NRDE2: variants seen among roughly 807,000 people sequenced by gnomAD.
NRDE2 encodes nuclear exosome regulator NRDE2.
NRDE2 carries 76 observed loss-of-function variants against 124.2 expected under a neutral mutation model. The observed-to-expected ratio is 0.61, with a 90% CI of 0.51 to 0.74. NRDE2 has a LOEUF of 0.74. Ranked by LOEUF, NRDE2 falls within the 30% of genes least tolerant of loss-of-function variation. NRDE2 has a pLI of 0.00. For missense variants in NRDE2, 1,314 were observed against 1,417.3 expected (o/e 0.93, Z 1.17); for synonymous variants, 489 against 528.1 (o/e 0.93, Z 1.01).
chr14:90,302,555 G>T (rs1043455813), intron 6 of NRDE2, among the ~76,000 whole-genome samples, 165 bp downstream of exon 6: 1 of 152,092 alleles, frequency 6.6e-6, no homozygotes, highest in African/African-American at 2.4e-5. Flanking sequence ...GGAGCTGGGG[G>T]CAAATTTGTT....
At chr14:90,326,519 GA>G (rs1472231307) in intron 1 of NRDE2, among the ~76,000 whole-genome samples, 2 of 135,548 alleles carry the variant, frequency 1.5e-5, no homozygotes, top group Non-Finnish European at 3.2e-5. Context: ...AAAAAAAAAA[GA>G]GAGAGGGAAA....
Position 90,304,332 on chromosome 14 carries a change from C to A in NRDE2, c.608G>T (p.Cys203Phe). Residue 203 changes from cysteine (C) to phenylalanine (F), a missense_variant, in exon 5 of 14, where the codon TGC (cysteine) becomes TTC (phenylalanine). Cys to Phe is a radical substitution (Grantham distance 205). Coordinates refer to ENST00000354366, the MANE Select transcript of NRDE2 (RefSeq NM_017970.4). ...SCLGINPKKQ[C>F]ISWEGTSTEK... is the part of the protein sequence containing the mutation. ...TGTGGAAGTCCCTTCCCAAGATATG[C>A]ACTGCTTCTTAGGGTTAATGCCAAG... 1 of 1,614,018 alleles carries A rather than the reference C, an allele frequency of 6.2e-7. No individual in the cohort carries two copies. Among genetic ancestry groups the A allele is most frequent in the Non-Finnish European group, 8.5e-7 (1 of 1,179,972 alleles).
intron 12 of NRDE2, chr14:90,279,444 G>C (rs909794552): frequency 7.2e-6 from 2 of 277,742 alleles, no homozygotes; most frequent in Non-Finnish European, 1.3e-5. Flanking sequence ...GTTAGTAACA[G>C]TGCTTGAAAC....
At chr14:90,331,723 G>T in intron 1 of NRDE2, 118 bp downstream of exon 1, 1 of 1,165,664 alleles carries the variant, frequency 8.6e-7, no homozygotes, top group Non-Finnish European at 1.3e-6. Context: ...TTGCAGCGCC[G>T]CGGAGAACTC....
intron 1 of NRDE2, among the ~76,000 whole-genome samples, 162 bp downstream of exon 1, chr14:90,331,679 G>C (rs1450424276): frequency 6.6e-6 from 1 of 152,180 alleles, no homozygotes; most frequent in Non-Finnish European, 1.5e-5. Context: ...CTGGGCCCCA[G>C]ACCTCGGAGG....
intron 8 of NRDE2, 78 bp from the exon 9 acceptor site, chr14:90,292,950 G>T: frequency 7.2e-7 from 1 of 1,382,342 alleles, no homozygotes; most frequent in Non-Finnish European, 1.0e-6. Context: ...CTATGTCAGG[G>T]ACTGTTGGGC....
At chr14:90,323,309 A>C (rs77339761) in intron 1 of NRDE2, among the ~76,000 whole-genome samples, 1 of 152,342 alleles carries the variant, frequency 6.6e-6, no homozygotes, top group East Asian at 1.9e-4. Flanking sequence ...CTTTAATTTA[A>C]TTCTATTACA....
intron 3 of NRDE2, among the ~76,000 whole-genome samples, chr14:90,313,035 C>T (rs1479418267): frequency 6.6e-6 from 1 of 151,734 alleles, no homozygotes; most frequent in African/African-American, 2.4e-5. Flanking sequence ...TGCCTAGATA[C>T]TTATTCCAAC....
In NRDE2 at chr14:90,316,639, A is replaced by G. The variant is rs750647992; in HGVS notation, c.346T>C (p.Ser116Pro). Reference sequence around the variant, plus strand: ...CCTCTGGAAGGTTTGTCCTTTTCAGAATCGGTGTCTGTCTCAGACCTGCTG... The same window carrying G: ...CCTCTGGAAGGTTTGTCCTTTTCAGGATCGGTGTCTGTCTCAGACCTGCTG... ...SSSRSETDTD[S>P]EKDKPSRGVG... The change falls in exon 3 of 14, where the codon TCT becomes CCT. Residue 116 changes from serine to proline, a missense_variant. Ser to Pro is a moderately conservative substitution (Grantham distance 74). Coordinates refer to ENST00000354366, the MANE Select transcript of NRDE2 (RefSeq NM_017970.4). The G allele has an allele frequency of 2.5e-6, 4 of 1,614,198 alleles. No homozygotes were observed. In the South Asian group the frequency reaches 4.4e-5, roughly 18 times the overall value.
intron 8 of NRDE2, among the ~76,000 whole-genome samples, chr14:90,293,308 TG>T (rs1202969634): frequency 6.6e-6 from 1 of 151,940 alleles, no homozygotes; most frequent in Non-Finnish European, 1.5e-5. Flanking sequence ...TGGAGTACAG[TG>T]GCACAATCTC....
Position 90,268,035 on chromosome 14 carries a change from T to C in NRDE2, c.*10301A>G. The C allele has an allele frequency of 2.0e-6, 1 of 510,450 alleles. No individual in the cohort carries two copies. Among genetic ancestry groups the C allele is most frequent in the South Asian group, 3.3e-5 (1 of 30,644 alleles). The allele number at this position is 510,450 out of a possible 1,614,324, so 31.6% of individuals were successfully genotyped here. A position where few individuals can be genotyped will look rare whatever the true frequency, so the allele number is the denominator to read the frequency against. On this transcript the variant is annotated 3_prime_UTR_variant, in exon 14 of 14. Coordinates refer to ENST00000354366, the MANE Select transcript of NRDE2 (RefSeq NM_017970.4). ...GCTAAGGATAATCCAAACATGTTAG[T>C]AGATTTTTCTAAATGTCCTCTTATC... is the stretch of plus-strand genomic sequence containing the variant.
rs539165773 is a variant in NRDE2 at position 90,331,690 on chromosome 14, G to GA, written c.64+150dup. ...GCCTCTGGGCCCCAGACCTCGGAGGGATTGAGCCTTTCCCAGAAGGCTTTG... is the reference window on the plus strand; with the variant it reads ...GCCTCTGGGCCCCAGACCTCGGAGGGAATTGAGCCTTTCCCAGAAGGCTTTG... On this transcript the variant is annotated intron_variant, in intron 1 of 13. Coordinates refer to ENST00000354366, the MANE Select transcript of NRDE2 (RefSeq NM_017970.4). The GA allele has an allele frequency of 1.0e-4, 85 of 832,376 alleles. No individual in the cohort carries two copies. In the East Asian group the frequency reaches 1.7e-3, roughly 16 times the overall value. The allele number at this position is 832,376 out of a possible 1,614,324, so 51.6% of individuals were successfully genotyped here. A position where few individuals can be genotyped will look rare whatever the true frequency, so the allele number is the denominator to read the frequency against.
Position 90,290,410 on chromosome 14 carries a change from GA to G in NRDE2, c.2039del (p.Phe680SerfsTer77). The G allele has an allele frequency of 6.2e-7, 1 of 1,613,916 alleles. No homozygotes were observed. The highest frequency in any genetic ancestry group is 8.5e-7 in the Non-Finnish European group (1 of 1,179,972). On this transcript the variant is annotated frameshift_variant, in exon 10 of 14. Transcript: ENST00000354366. LOFTEE classifies it high-confidence loss of function. ...GLYDEKPLTF[F>X]NPLFSGASCV... ...AGCTAGCCCCAGAAAACAAAGGGTTGAAAAAAGTCAAGGGCTTTTCATCATA... is the reference window on the plus strand; with the variant it reads ...AGCTAGCCCCAGAAAACAAAGGGTTGAAAAAGTCAAGGGCTTTTCATCATA...
intron 8 of NRDE2, among the ~76,000 whole-genome samples, chr14:90,297,219 CAA>C (rs778927039): frequency 3.6e-4 from 54 of 151,504 alleles, no homozygotes; most frequent in Non-Finnish European, 6.3e-4. Context: ...CACCAGATTT[CAA>C]AGAGTACTAA....
chr14:90,286,614 A>G (rs7159850), intron 11 of NRDE2, 122 bp from the exon 12 acceptor site: 136,431 of 1,260,670 alleles, frequency 0.11, 8,277 homozygotes, highest in African/African-American at 0.2. Flanking sequence ...TCAGGGGAGA[A>G]CTGTCCCTCA....
intron 5 of NRDE2, 140 bp downstream of exon 5, chr14:90,303,795 G>A (rs1167395091): frequency 1.2e-5 from 9 of 755,822 alleles, no homozygotes; most frequent in Non-Finnish European, 1.9e-5. Context: ...CGAGCTCAGG[G>A]CAAAGGCTCT....
chr14:90,297,558 T>C (rs1159109858), intron 8 of NRDE2, among the ~76,000 whole-genome samples: 1 of 152,166 alleles, frequency 6.6e-6, no homozygotes, highest in African/African-American at 2.4e-5. Context: ...TACTTTATAA[T>C]AGTCCTAAAA....
Position 90,288,677 on chromosome 14 carries a change from A to G in NRDE2, c.2698T>C (p.Cys900Arg). ...TTAGCCAGGCTAATTAGGCGGCTAC[A>G]GGAATCGGTGGGAGCTGGATTGGAG... ...CVSNPAPTDS[C>R]SRLISLAKCF... Residue 900 changes from cysteine (C) to arginine (R), a missense_variant, in exon 11 of 14, where the codon TGT (cysteine) becomes CGT (arginine). Physicochemically the swap from Cys to Arg is radical, Grantham distance 180. Coordinates refer to ENST00000354366, the MANE Select transcript of NRDE2 (RefSeq NM_017970.4). 2 of 1,614,218 alleles carry G rather than the reference A, an allele frequency of 1.2e-6. No individual in the cohort carries two copies. The highest frequency in any genetic ancestry group is 1.7e-6 in the Non-Finnish European group (2 of 1,180,038).
At position 90,318,153 on chromosome 14, in the gene NRDE2, C is replaced by T. The variant is rs775568885; in HGVS notation, c.65-40G>A. 5 of 1,468,112 alleles carry T rather than the reference C, an allele frequency of 3.4e-6. No homozygotes were observed. In the Admixed American group the frequency reaches 8.9e-5, roughly 26 times the overall value. 90.9% of individuals were successfully genotyped at this position (1,468,112 alleles called of 1,614,324 possible). A position where few individuals can be genotyped will look rare whatever the true frequency, so the allele number is the denominator to read the frequency against. On this transcript the variant is annotated intron_variant, in intron 1 of 13. Coordinates refer to ENST00000354366, the MANE Select transcript of NRDE2 (RefSeq NM_017970.4). ...GGAGAAAAGATCAATGAAATTAGTTCAATATGATTCTAAAGCAGGAGATCT... is the reference window on the plus strand; with the variant it reads ...GGAGAAAAGATCAATGAAATTAGTTTAATATGATTCTAAAGCAGGAGATCT...
Sources: allele counts gnomAD v4.1 joint callset (sites outside exome capture counted in the v4.1 genomes callset), GRCh38; gene constraint gnomAD v4.1.1; transcripts MANE v1.5; gene names NCBI Gene and HGNC (gene_info 2026-07-23, HGNC 2026-07-21).